GREB1: variants seen among roughly 807,000 people sequenced by gnomAD.
GREB1 encodes growth regulating estrogen receptor binding 1.
GREB1 carries 106 observed loss-of-function variants against 200.7 expected under a neutral mutation model. The ratio of observed to expected loss-of-function variants is 0.53; its 90% CI spans 0.45 to 0.62. The LOEUF is 0.62. GREB1 is among the 20% of genes least tolerant of loss of function. The probability of loss-of-function intolerance (pLI) is 0.00; values close to 1 mark genes in which losing one functional copy is unlikely to be tolerated. For synonymous variants in GREB1, 1,132 were observed against 1,092.4 expected (o/e 1.04, Z -0.72); for missense variants, 2,243 against 2,556.8 (o/e 0.88, Z 2.65).
chr2:11,515,409 G>A (rs1315624309), intron 1 of GREB1, among the ~76,000 whole-genome samples: 2 of 152,266 alleles, frequency 1.3e-5, no homozygotes, highest in Non-Finnish European at 2.9e-5. Flanking sequence ...GGCTCTCCAA[G>A]AAGAAATTAG....
chr2:11,623,600 TA>T (rs1285589509), intron 23 of GREB1, among the ~76,000 whole-genome samples: 2 of 152,122 alleles, frequency 1.3e-5, no homozygotes, highest in Non-Finnish European at 2.9e-5. Context: ...CAAAAAGTTT[TA>T]AAAGTAGGGC....
intron 1 of GREB1, among the ~76,000 whole-genome samples, chr2:11,521,495 A>T (rs1307165201): frequency 6.6e-6 from 1 of 152,228 alleles, no homozygotes. Context: ...CTTTTAAAGG[A>T]TAAAACAATT....
At chr2:11,617,568 G>C (rs112453716) in intron 21 of GREB1, among the ~76,000 whole-genome samples, 3 of 152,226 alleles carry the variant, frequency 2.0e-5, no homozygotes, top group African/African-American at 7.2e-5. Context: ...GGGTAGGTGA[G>C]GTTACCACAG....
intron 1 of GREB1, among the ~76,000 whole-genome samples, chr2:11,543,679 G>A (rs934066406): frequency 6.6e-6 from 1 of 152,188 alleles, no homozygotes; most frequent in Non-Finnish European, 1.5e-5. Flanking sequence ...CAATGATAAT[G>A]AGTTTATTAT....
intron 2 of GREB1, among the ~76,000 whole-genome samples, chr2:11,557,585 G>A (rs779528109): frequency 4.6e-5 from 7 of 152,230 alleles, no homozygotes; most frequent in Non-Finnish European, 8.8e-5. Context: ...TTGGGTTGGA[G>A]AGAATTGCAC....
rs1198712900 is a variant in GREB1 at position 11,615,075 on chromosome 2, T to G, written c.3123-16T>G. 6.3e-7 allele frequency: 1 copy of G among 1,594,348 alleles called. No individual in the cohort carries two copies. The highest frequency in any genetic ancestry group is 1.3e-5 in the African/African-American group (1 of 74,608). ...TGGAAGGCACTAAACAGACACCTTC[T>G]TCTGTGTCTTGCTAGGTCTTTGAGG... On this transcript the variant is annotated splice_polypyrimidine_tract_variant and intron_variant, in intron 19 of 32. Coordinates refer to ENST00000381486, the MANE Select transcript of GREB1 (RefSeq NM_014668.4).
chr2:11,547,124 G>A (rs538655984), intron 1 of GREB1, among the ~76,000 whole-genome samples: 1 of 152,020 alleles, frequency 6.6e-6, no homozygotes, highest in South Asian at 2.1e-4. Flanking sequence ...TGTATTTTTA[G>A]TACAGATGGG....
At position 11,492,679 on chromosome 2, in the gene GREB1, AG is replaced by A. The variant is rs1672798625; in HGVS notation, c.-159+10299del. ...ATGTAAGGGAAGAGAAAAGGGTAAAAGTTTGTTTTGAGGAAAACAGTCTTTC... is the reference window on the plus strand; with the variant it reads ...ATGTAAGGGAAGAGAAAAGGGTAAAATTTGTTTTGAGGAAAACAGTCTTTC... On this transcript the variant is annotated intron_variant, in intron 1 of 2. Coordinates refer to the GREB1 transcript ENST00000628795. The surrounding 1 kb of genome is among the most constrained non-coding windows in gnomAD (Gnocchi z 4.0). Among the ~76,000 whole-genome samples, 1 of 152,194 alleles carries A rather than the reference AG, an allele frequency of 6.6e-6. No homozygotes were observed. Among genetic ancestry groups the A allele is most frequent in the African/African-American group, 2.4e-5 (1 of 41,444 alleles).
Position 11,640,251 on chromosome 2 carries a change from C to G in GREB1, c.5687-40C>G. ...GCAGCCGCTTTCCTCTGGATAAACTCACCTTTTCCCTTCCCACACCTCTGC... is the reference window on the plus strand; with the variant it reads ...GCAGCCGCTTTCCTCTGGATAAACTGACCTTTTCCCTTCCCACACCTCTGC... On this transcript the variant is annotated intron_variant, in intron 32 of 32. Coordinates refer to ENST00000381486, the MANE Select transcript of GREB1 (RefSeq NM_014668.4). This position sits in a 1 kb window ranked among gnomAD's most constrained non-coding sequence, Gnocchi z 4.6. 6.3e-7 allele frequency: 1 copy of G among 1,583,040 alleles called. No individual in the cohort carries two copies. The highest frequency in any genetic ancestry group is 8.6e-7 in the Non-Finnish European group (1 of 1,163,658).
chr2:11,587,181 C>T (rs754026503), intron 9 of GREB1, among the ~76,000 whole-genome samples: 20 of 152,148 alleles, frequency 1.3e-4, no homozygotes, highest in Non-Finnish European at 2.4e-4. Context: ...GTAAAGCCCT[C>T]GTCTCCCGGA....
chr2:11,548,747 C>T lies in GREB1; in HGVS notation c.-161-7707C>T, dbSNP rs1189710059. ...CCCTCTGTTGGATCCCCCATCCTGG[C>T]CCCCTGGCTTCACAATTGTTAATTT... is the stretch of plus-strand genomic sequence containing the variant. On this transcript the variant is annotated intron_variant, in intron 1 of 32. Transcript: ENST00000381486. This position sits in a 1 kb window ranked among gnomAD's most constrained non-coding sequence, Gnocchi z 5.1. Among the ~76,000 whole-genome samples, 2 of 152,026 alleles carry T rather than the reference C, an allele frequency of 1.3e-5. No individual in the cohort carries two copies. Among genetic ancestry groups the T allele is most frequent in the African/African-American group, 2.4e-5 (1 of 41,388 alleles).
At chr2:11,606,715 G>C (rs942454870) in intron 17 of GREB1, among the ~76,000 whole-genome samples, 2 of 151,128 alleles carry the variant, frequency 1.3e-5, no homozygotes, top group East Asian at 3.9e-4. Context: ...AATCAAATGT[G>C]ACAATCTCTG....
At chr2:11,620,079 C>T (rs1319856574) in intron 22 of GREB1, among the ~76,000 whole-genome samples, 3 of 152,176 alleles carry the variant, frequency 2.0e-5, no homozygotes, top group East Asian at 1.9e-4. Flanking sequence ...CGGGTTCAAG[C>T]GATTCTCTTG....
In GREB1 at chr2:11,580,862, G is replaced by A; in HGVS notation, c.901+30G>A. On this transcript the variant is annotated intron_variant, in intron 7 of 32. Transcript: ENST00000381486. The surrounding 1 kb of genome is among the most constrained non-coding windows in gnomAD (Gnocchi z 4.5). ...CTCTGCCTGTCCTGGCCGTCCTGGG[G>A]ATCCTGCTCTTCTTTGGGCCAAGGC... The A allele has an allele frequency of 1.2e-6, 2 of 1,614,078 alleles. No individual in the cohort carries two copies. The highest frequency in any genetic ancestry group is 1.7e-6 in the Non-Finnish European group (2 of 1,179,948).
At position 11,606,043 on chromosome 2, in the gene GREB1, G is replaced by A. The variant is rs192918586; in HGVS notation, c.2666+3501G>A. Among the ~76,000 whole-genome samples the A allele has an allele frequency of 1.1e-3, 166 of 152,122 alleles. 1 individual carries two copies. Among genetic ancestry groups the A allele is most frequent in the African/African-American group, 3.5e-3 (145 of 41,468 alleles). On this transcript the variant is annotated intron_variant, in intron 17 of 32. Coordinates refer to ENST00000381486, the MANE Select transcript of GREB1 (RefSeq NM_014668.4). ...AAGCTGCCAAATTGTTTTCCAAAGC[G>A]TAGCTGTCCCTTGGTATACACGGGG...
intron 8 of GREB1, among the ~76,000 whole-genome samples, chr2:11,585,550 C>T (rs529195745): frequency 2.0e-5 from 3 of 152,138 alleles, no homozygotes; most frequent in East Asian, 1.9e-4. Context: ...GCAGGGATAT[C>T]GAAGAGGAGA....
chr2:11,623,330 A>T (rs1250146625), intron 23 of GREB1, among the ~76,000 whole-genome samples: 2 of 152,260 alleles, frequency 1.3e-5, no homozygotes, highest in Non-Finnish European at 2.9e-5. Context: ...TACTGGTTTT[A>T]TGTATTTACC....
At chr2:11,605,014 G>C (rs1682119030) in intron 17 of GREB1, among the ~76,000 whole-genome samples, 1 of 151,910 alleles carries the variant, frequency 6.6e-6, no homozygotes, top group African/African-American at 2.4e-5. Context: ...ATTGTCTATG[G>C]AACTTTTTTC....
At chr2:11,509,124 C>T (rs554703638) in intron 1 of GREB1, among the ~76,000 whole-genome samples, 1 of 1,738 alleles carries the variant, frequency 5.8e-4, no homozygotes, top group South Asian at 0.056. Flanking sequence ...ATCCACCTGC[C>T]TTGGCCTCCA....
Sources: gnomAD v4.1 joint callset for allele counts (sites outside exome capture counted in the v4.1 genomes callset) on GRCh38, gnomAD v4.1.1 for gene constraint, Gnocchi (gnomAD v3.1) non-coding constraint, MANE v1.5 for transcripts, NCBI Gene and HGNC (gene_info 2026-07-23, HGNC 2026-07-21) for gene names.